The following ITPR2 variants were observed in gnomAD, a reference collection of about 807,000 sequenced individuals.
The protein encoded by ITPR2 is inositol 1,4,5-trisphosphate receptor type 2.
In ITPR2, 207 loss-of-function variants were observed where a neutral mutation model predicts 317.1. The ratio of observed to expected loss-of-function variants is 0.65; its 90% CI spans 0.58 to 0.73. ITPR2 has a LOEUF of 0.73. ITPR2 is among the 30% of genes least tolerant of loss of function. The probability of loss-of-function intolerance (pLI) is 0.00; values close to 1 mark genes in which losing one functional copy is unlikely to be tolerated. For missense variants in ITPR2, 2,613 were observed against 3,284.0 expected, an observed-to-expected ratio of 0.80 and a Z score of 4.99; for synonymous variants, 1,156 against 1,149.1, an observed-to-expected ratio of 1.01 and a Z score of -0.12.
chr12:26,364,124 T>TA (rs1159779285), intron 55 of ITPR2, among the ~76,000 whole-genome samples: 8 of 152,016 alleles, frequency 5.3e-5, no homozygotes, highest in Admixed American at 3.3e-4. Context: ...CACACTAGAA[T>TA]AAAAAATATG....
chr12:26,656,123 T>C (rs953318715), intron 19 of ITPR2, among the ~76,000 whole-genome samples, 174 bp downstream of exon 19: 2 of 152,228 alleles, frequency 1.3e-5, no homozygotes, highest in Admixed American at 1.3e-4. Context: ...TTATTACCAC[T>C]GAGAGTTATC....
rs1565759400 is a variant in ITPR2 at position 26,781,989 on chromosome 12, C to CATAT, written c.163+8167_163+8168insATAT. Among the ~76,000 whole-genome samples the CATAT allele has an allele frequency of 2.4e-3, 175 of 73,560 alleles. 3 individuals carry two copies. The highest frequency in any genetic ancestry group is 9.7e-3 in the African/African-American group (167 of 17,262). 48.3% of individuals were successfully genotyped at this position (73,560 alleles called of 152,430 possible). On this transcript the variant is annotated intron_variant, in intron 2 of 56. Transcript: ENST00000381340. ...GAGTTAATACTACTTAATAAACTCC[C>CATAT]CTGTATATATATATATATATATATA...
chr12:26,810,381 T>TA (rs577258656), intron 1 of ITPR2, among the ~76,000 whole-genome samples: 114 of 152,304 alleles, frequency 7.5e-4, no homozygotes, highest in African/African-American at 2.7e-3. Flanking sequence ...GTTTGAAATG[T>TA]AAAAAAAGCC....
chr12:26,651,601 C>A (rs965366561), intron 21 of ITPR2, among the ~76,000 whole-genome samples: 12 of 152,324 alleles, frequency 7.9e-5, no homozygotes, highest in African/African-American at 2.9e-4. Context: ...CAATATTCTT[C>A]TGCTTCACAG....
chr12:26,543,133 A>C (rs1461332805), intron 37 of ITPR2, among the ~76,000 whole-genome samples: 1 of 152,174 alleles, frequency 6.6e-6, no homozygotes, highest in African/African-American at 2.4e-5. Flanking sequence ...CAAAATCCTT[A>C]AAACCAAACC....
intron 11 of ITPR2, among the ~76,000 whole-genome samples, chr12:26,685,526 G>A (rs1267893203): frequency 1.3e-5 from 2 of 152,248 alleles, no homozygotes; most frequent in East Asian, 3.9e-4. Flanking sequence ...GAGTACCAGA[G>A]GTAGAGGATG....
Position 26,705,330 on chromosome 12 carries a change from G to C in ITPR2, c.951+5843C>G, listed in dbSNP as rs554578833. On this transcript the variant is annotated intron_variant, in intron 9 of 56. Coordinates refer to ENST00000381340, the MANE Select transcript of ITPR2 (RefSeq NM_002223.4). ...AGCTGATGTAAGCAGATTTGTTTCT[G>C]GCCTGTTTAGTAGCACTTCCTCCTT... 1.3e-4 allele frequency among the ~76,000 whole-genome samples: 20 copies of C among 152,176 alleles called. No homozygotes were observed. The South Asian group carries it at 2.1e-3, about 16-fold the overall frequency.
At chr12:26,432,670 T>C (rs1941243478) in intron 48 of ITPR2, among the ~76,000 whole-genome samples, 1 of 152,180 alleles carries the variant, frequency 6.6e-6, no homozygotes, top group Non-Finnish European at 1.5e-5. Flanking sequence ...TTTTATTAAT[T>C]GGAATACAAT....
At chr12:26,549,868 A>C (rs929084221) in intron 37 of ITPR2, among the ~76,000 whole-genome samples, 1 of 151,990 alleles carries the variant, frequency 6.6e-6, no homozygotes, top group African/African-American at 2.4e-5. Flanking sequence ...AAAAATCAAC[A>C]TATGCCAAAA....
intron 2 of ITPR2, among the ~76,000 whole-genome samples, chr12:26,768,567 T>TAA (rs1438575878): frequency 1.2e-3 from 26 of 21,870 alleles, no homozygotes; most frequent in African/African-American, 3.8e-3. Context: ...AATACAAATA[T>TAA]ATATAAAAAA....
At chr12:26,497,767 G>A (rs567170473) in intron 37 of ITPR2, among the ~76,000 whole-genome samples, 14 of 149,430 alleles carry the variant, frequency 9.4e-5, no homozygotes, top group Non-Finnish European at 1.8e-4. Flanking sequence ...CTGGAGTGCA[G>A]TGGTACAATC....
chr12:26,677,224 A>G (rs1456315468), intron 13 of ITPR2, among the ~76,000 whole-genome samples: 2 of 152,230 alleles, frequency 1.3e-5, no homozygotes, highest in African/African-American at 4.8e-5. Flanking sequence ...AATGAAAACA[A>G]GCTACACTAA....
At position 26,562,658 on chromosome 12, in the gene ITPR2, C is replaced by T. The variant is rs12829759; in HGVS notation, c.4631-706G>A. ...AAGGTCTTCCCAGGTGTGCAGTCAA[C>T]CAAAACAAAGTGCAGCAGGGATATG... On this transcript the variant is annotated intron_variant, in intron 34 of 56. Transcript: ENST00000381340. Among the ~76,000 whole-genome samples the T allele has an allele frequency of 5.0e-3, 767 of 151,910 alleles. 3 individuals are homozygous for T. Among genetic ancestry groups the T allele is most frequent in the Middle Eastern group, 0.014 (4 of 294 alleles).
chr12:26,459,557 T>C (rs1005457515), intron 45 of ITPR2, among the ~76,000 whole-genome samples: 2 of 152,228 alleles, frequency 1.3e-5, no homozygotes, highest in Admixed American at 6.5e-5. Flanking sequence ...ACCTCGTTTA[T>C]TGAGTTCTTG....
At chr12:26,526,900 G>A (rs1404577132) in intron 37 of ITPR2, among the ~76,000 whole-genome samples, 1 of 152,208 alleles carries the variant, frequency 6.6e-6, no homozygotes, top group Admixed American at 6.5e-5. Flanking sequence ...GGTGGATGGT[G>A]ATATTATTTA....
chr12:26,782,016 A>G lies in ITPR2; in HGVS notation c.163+8141T>C, dbSNP rs1168291675. ...TGTATATATATATATATATATATAT[A>G]TATATATATATATATATGTATAGAG... On this transcript the variant is annotated intron_variant, in intron 2 of 56. Transcript: ENST00000381340. Among the ~76,000 whole-genome samples the G allele has an allele frequency of 6.9e-3, 211 of 30,396 alleles. 2 individuals are homozygous for G. Among genetic ancestry groups the G allele is most frequent in the East Asian group, 0.017 (11 of 644 alleles). The allele number at this position is 30,396 out of a possible 152,430, so 19.9% of individuals were successfully genotyped here. A position where few individuals can be genotyped will look rare whatever the true frequency, so the allele number is the denominator to read the frequency against.
At chr12:26,787,763 T>C (rs1202059887) in intron 2 of ITPR2, among the ~76,000 whole-genome samples, 1 of 152,132 alleles carries the variant, frequency 6.6e-6, no homozygotes, top group Non-Finnish European at 1.5e-5. Flanking sequence ...ATGGCTATTT[T>C]GGGGGATACA....
At chr12:26,589,435 T>C (rs1945627301) in intron 32 of ITPR2, among the ~76,000 whole-genome samples, 1 of 151,904 alleles carries the variant, frequency 6.6e-6, no homozygotes, top group Non-Finnish European at 1.5e-5. Flanking sequence ...AGAAGAATGA[T>C]GGAAGGTGGT....
chr12:26,695,696 A>C (rs1948330427), intron 9 of ITPR2, 46 bp from the exon 10 acceptor site: 1 of 1,261,872 alleles, frequency 7.9e-7, no homozygotes, highest in Non-Finnish European at 1.2e-6. Context: ...TATGAAAAGC[A>C]CACTAACAAG....
Sources: allele counts gnomAD v4.1 joint callset (sites outside exome capture counted in the v4.1 genomes callset), GRCh38; gene constraint gnomAD v4.1.1; transcripts MANE v1.5; gene names NCBI Gene and HGNC (gene_info 2026-07-23, HGNC 2026-07-21).